TRMT44: variants seen among roughly 807,000 people sequenced by gnomAD.
TRMT44 encodes tRNA methyltransferase 44 homolog.
A neutral mutation model predicts 77.3 loss-of-function variants in TRMT44; 78 were observed. That is an observed-to-expected ratio of 1.01 (90% confidence interval 0.84 to 1.22). TRMT44 has a LOEUF of 1.22. TRMT44 is among the 50% of genes most tolerant of loss of function. TRMT44 has a pLI of 0.00. For missense variants in TRMT44, 1,090 were observed against 964.4 expected (o/e 1.13, Z -1.73); for synonymous variants, 391 against 383.3 (o/e 1.02, Z -0.23).
intron 2 of TRMT44, 48 bp from the exon 3 acceptor site, chr4:8,449,621 A>G: frequency 7.4e-7 from 1 of 1,342,996 alleles, no homozygotes; most frequent in Middle Eastern, 2.2e-4. Flanking sequence ...ATTTTAAAAT[A>G]AGAATTGAAC....
At chr4:8,458,464 CTTTT>C (rs56203512) in intron 6 of TRMT44, among the ~76,000 whole-genome samples, 6 of 130,298 alleles carry the variant, frequency 4.6e-5, no homozygotes, top group Non-Finnish European at 4.9e-5. Flanking sequence ...CTTTTCTTTT[CTTTT>C]TTTTTTTTTT....
intron 2 of TRMT44, among the ~76,000 whole-genome samples, chr4:8,491,768 C>T (rs867272949): frequency 6.6e-6 from 1 of 152,234 alleles, no homozygotes; most frequent in Admixed American, 6.5e-5. Flanking sequence ...TGCACGCAGC[C>T]CCGGTTCCCG....
the TRMT44 span, among the ~76,000 whole-genome samples, chr4:8,506,174 A>G: frequency 6.6e-6 from 1 of 152,178 alleles, no homozygotes; most frequent in African/African-American, 2.4e-5. Context: ...TCTCATGGGG[A>G]CATTCACAAG....
intron 2 of TRMT44, among the ~76,000 whole-genome samples, chr4:8,484,239 T>G (rs1727733001): frequency 6.6e-6 from 1 of 151,984 alleles, no homozygotes; most frequent in Non-Finnish European, 1.5e-5. Flanking sequence ...ATCAGAGAGA[T>G]ACAGTCATGA....
intron 6 of TRMT44, among the ~76,000 whole-genome samples, chr4:8,456,734 A>G (rs1013204333): frequency 2.6e-5 from 4 of 152,250 alleles, no homozygotes; most frequent in African/African-American, 9.6e-5. Flanking sequence ...GACAAAGCAG[A>G]AAGAAGGTGA....
At chr4:8,448,268 A>G (rs1456259180) in intron 2 of TRMT44, among the ~76,000 whole-genome samples, 1 of 152,104 alleles carries the variant, frequency 6.6e-6, no homozygotes, top group Non-Finnish European at 1.5e-5. Context: ...AGCTGGATTC[A>G]TTTTCGGCAA....
the TRMT44 span, among the ~76,000 whole-genome samples, chr4:8,513,790 T>C: frequency 6.6e-6 from 1 of 152,226 alleles, no homozygotes; most frequent in African/African-American, 2.4e-5. Flanking sequence ...GTGTCTCATC[T>C]TGATCAGCCA....
Position 8,452,793 on chromosome 4 carries a change from CAG to C in TRMT44, c.1024-86_1024-85del. On this transcript the variant is annotated intron_variant, in intron 4 of 10. Coordinates refer to ENST00000389737, the MANE Select transcript of TRMT44 (RefSeq NM_152544.3). This position sits in a 1 kb window ranked among gnomAD's most constrained non-coding sequence, Gnocchi z 5.7. ...AGATGATTTCAAGTTTCCTTTCACT[CAG>C]AGTTTTCTTTGACCAGTTTGTGTCT... 4.5e-6 allele frequency: 3 copies of C among 666,444 alleles called. 1 individual carries two copies. The highest frequency in any genetic ancestry group is 4.3e-5 in the South Asian group (2 of 46,566). The allele number at this position is 666,444 out of a possible 1,614,324, so 41.3% of individuals were successfully genotyped here. A position where few individuals can be genotyped will look rare whatever the true frequency, so the allele number is the denominator to read the frequency against.
Position 8,451,880 on chromosome 4 carries a change from C to T in TRMT44, c.955-80C>T, listed in dbSNP as rs1195001262. 1 of 1,291,126 alleles carries T rather than the reference C, an allele frequency of 7.7e-7. No individual in the cohort carries two copies. Among genetic ancestry groups the T allele is most frequent in the Admixed American group, 2.0e-5 (1 of 50,606 alleles). The allele number at this position is 1,291,126 out of a possible 1,614,324, so 80.0% of individuals were successfully genotyped here. A position where few individuals can be genotyped will look rare whatever the true frequency, so the allele number is the denominator to read the frequency against. On this transcript the variant is annotated intron_variant, in intron 3 of 10. Transcript: ENST00000389737. The surrounding 1 kb of genome is among the most constrained non-coding windows in gnomAD (Gnocchi z 4.1). ...TACGATTAGTCCAGTTTGATTTATG[C>T]TTTATAGGGATACTTAAAGTATTGG... is the stretch of plus-strand genomic sequence containing the variant.
chr4:8,465,626 TG>T, intron 8 of TRMT44, 65 bp downstream of exon 8: 2 of 1,408,134 alleles, frequency 1.4e-6, no homozygotes, highest in Non-Finnish European at 2.0e-6. Flanking sequence ...CTCAGGGCTC[TG>T]CCACAGAGCC....
rs915822512 is a variant in TRMT44, at chr4:8,441,136, G to A, written c.314G>A (p.Gly105Asp). Reference protein sequence around the residue: ...TACCELEEAQGQCQQEEAQRE... With the variant: ...TACCELEEAQDQCQQEEAQRE... Reference sequence around the variant, plus strand: ...TGTTGCGAACTTGAGGAGGCCCAGGGCCAGTGCCAGCAAGAGGAGGCACAG... The same window carrying A: ...TGTTGCGAACTTGAGGAGGCCCAGGACCAGTGCCAGCAAGAGGAGGCACAG... Residue 105 changes from glycine to aspartate, a missense_variant, in exon 1 of 11, where the codon GGC becomes GAC. Physicochemically the swap from Gly to Asp is moderately conservative, Grantham distance 94. Coordinates refer to ENST00000389737, the MANE Select transcript of TRMT44 (RefSeq NM_152544.3). 14 of 1,522,762 alleles carry A rather than the reference G, an allele frequency of 9.2e-6. No individual in the cohort carries two copies. The highest frequency in any genetic ancestry group is 1.2e-5 in the Non-Finnish European group (14 of 1,137,902). 94.3% of individuals were successfully genotyped at this position (1,522,762 alleles called of 1,614,324 possible). A position where few individuals can be genotyped will look rare whatever the true frequency, so the allele number is the denominator to read the frequency against.
chr4:8,495,880 G>T (rs1728135665), downstream of TRMT44, among the ~76,000 whole-genome samples: 1 of 152,208 alleles, frequency 6.6e-6, no homozygotes, highest in Non-Finnish European at 1.5e-5. Flanking sequence ...CAGACTGGTT[G>T]TGGGCCTACT....
Position 8,446,963 on chromosome 4 carries a change from G to A in TRMT44, c.734+373G>A, listed in dbSNP as rs1042811537. Among the ~76,000 whole-genome samples the A allele has an allele frequency of 6.6e-6, 1 of 152,158 alleles. No individual in the cohort carries two copies. The highest frequency in any genetic ancestry group is 1.5e-5 in the Non-Finnish European group (1 of 68,036). On this transcript the variant is annotated intron_variant, in intron 2 of 10. Coordinates refer to ENST00000389737, the MANE Select transcript of TRMT44 (RefSeq NM_152544.3). This position sits in a 1 kb window ranked among gnomAD's most constrained non-coding sequence, Gnocchi z 4.3. The stretch of plus-strand genomic sequence containing the variant: ...TGCATTGGTGCCATCGCATTTCACT[G>A]CAACCTCTACCTCCTGCATTTAAGT...
intron 10 of TRMT44, among the ~76,000 whole-genome samples, chr4:8,474,343 C>T (rs987438442): frequency 1.3e-5 from 2 of 152,134 alleles, no homozygotes; most frequent in South Asian, 2.1e-4. Context: ...GGCAGAGTGT[C>T]GCGGGACTGC....
chr4:8,493,042 T>C (rs1010877237), intron 2 of TRMT44, among the ~76,000 whole-genome samples: 1 of 152,188 alleles, frequency 6.6e-6, no homozygotes, highest in African/African-American at 2.4e-5. Context: ...CTCAGATATT[T>C]GGGGTTCACA....
downstream of TRMT44, among the ~76,000 whole-genome samples, chr4:8,496,551 A>G (rs1038414474): frequency 6.6e-6 from 1 of 152,216 alleles, no homozygotes; most frequent in African/African-American, 2.4e-5. Flanking sequence ...TGACAGTAGA[A>G]AGACCTCTGG....
chr4:8,451,592 C>T lies in TRMT44; in HGVS notation c.955-368C>T, dbSNP rs903847625. 4.6e-5 allele frequency among the ~76,000 whole-genome samples: 7 copies of T among 152,160 alleles called. No homozygotes were observed. Among genetic ancestry groups the T allele is most frequent in the Non-Finnish European group, 7.3e-5 (5 of 68,030 alleles). On this transcript the variant is annotated intron_variant, in intron 3 of 10. Transcript: ENST00000389737. The surrounding 1 kb of genome is among the most constrained non-coding windows in gnomAD (Gnocchi z 4.1). ...CACTGGTCTCCTAGTTTGTGGCTCG[C>T]GGCTCTCCCTGCCCTAGTTTCACTC...
chr4:8,516,049 G>A, the TRMT44 span, among the ~76,000 whole-genome samples: 5 of 152,178 alleles, frequency 3.3e-5, no homozygotes, highest in East Asian at 9.6e-4. Flanking sequence ...CTGCCCAGCT[G>A]TACGCTGGGG....
chr4:8,464,450 G>A (rs1726386787), intron 7 of TRMT44, among the ~76,000 whole-genome samples: 1 of 152,202 alleles, frequency 6.6e-6, no homozygotes, highest in Admixed American at 6.5e-5. Context: ...ATGAGGCTTT[G>A]CCTTTAAAGG....
Sources: gnomAD v4.1 joint callset for allele counts (sites outside exome capture counted in the v4.1 genomes callset) on GRCh38, gnomAD v4.1.1 for gene constraint, Gnocchi (gnomAD v3.1) non-coding constraint, MANE v1.5 for transcripts, NCBI Gene and HGNC (gene_info 2026-07-23, HGNC 2026-07-21) for gene names.